Variants in KLHL23 observed in about 807,000 individuals in gnomAD.
KLHL23 encodes kelch-like protein 23.
KLHL23 carries 33 observed loss-of-function variants against 48.9 expected under a neutral mutation model. The ratio of observed to expected loss-of-function variants is 0.67; its 90% CI spans 0.51 to 0.90. KLHL23 has a LOEUF of 0.90. Among genes scored for constraint, KLHL23 ranks in the 40% least tolerant of loss-of-function variants. The pLI is 0.00. For synonymous variants in KLHL23, 234 were observed against 231.6 expected (o/e 1.01, Z -0.09); for missense variants, 608 against 669.6 (o/e 0.91, Z 1.02).
In KLHL23 at chr2:169,749,913, T is replaced by TTA. The variant is rs72113382; in HGVS notation, c.*198_*199dup. ...TGGTGATTCATGGTCAAGAAAAATC[T>TTA]TATATATATATATATATACACACAC... On this transcript the variant is annotated 3_prime_UTR_variant, in exon 4 of 4. Coordinates refer to ENST00000392647, the MANE Select transcript of KLHL23 (RefSeq NM_144711.6). 7,470 of 218,428 alleles carry TTA rather than the reference T, an allele frequency of 0.034. 1,197 individuals are homozygous for TTA. Among genetic ancestry groups the TTA allele is most frequent in the African/African-American group, 0.068 (1,558 of 22,826 alleles). The allele number at this position is 218,428 out of a possible 1,614,324, so 13.5% of individuals were successfully genotyped here.
At chr2:169,734,280 T>G (rs1223594792) in intron 1 of KLHL23, among the ~76,000 whole-genome samples, 193 bp downstream of exon 1, 3 of 146,306 alleles carry the variant, frequency 2.1e-5, no homozygotes, top group African/African-American at 7.4e-5. Context: ...GCCTGCGGCG[T>G]CCTTCCCACA....
At chr2:169,747,556 C>T (rs1330911093) in intron 3 of KLHL23, among the ~76,000 whole-genome samples, 3 of 150,868 alleles carry the variant, frequency 2.0e-5, no homozygotes, top group Non-Finnish European at 4.4e-5. Context: ...CCAGCCTCAG[C>T]CTCCCCAGTA....
At chr2:169,741,316 T>C in intron 2 of KLHL23, 69 bp from the exon 3 acceptor site, 1 of 1,532,560 alleles carries the variant, frequency 6.5e-7, no homozygotes, top group South Asian at 1.3e-5. Flanking sequence ...AACAATAAAT[T>C]TAGCCCAGGG....
At chr2:169,742,904 C>A (rs533474402) in intron 3 of KLHL23, among the ~76,000 whole-genome samples, 2 of 152,316 alleles carry the variant, frequency 1.3e-5, no homozygotes, top group African/African-American at 4.8e-5. Context: ...ACAAACTATT[C>A]CAGTAATTTT....
At chr2:169,734,543 T>G (rs1445272402) in intron 1 of KLHL23, among the ~76,000 whole-genome samples, 1 of 152,218 alleles carries the variant, frequency 6.6e-6, no homozygotes, top group Admixed American at 6.5e-5. Flanking sequence ...ATTTCCCTTT[T>G]CCGAGACCTC....
intron 2 of KLHL23, among the ~76,000 whole-genome samples, chr2:169,737,308 A>G (rs1033654903): frequency 6.6e-6 from 1 of 152,222 alleles, no homozygotes; most frequent in African/African-American, 2.4e-5. Flanking sequence ...ATTGAAGGAC[A>G]TGTCAGCTCT....
At position 169,749,411 on chromosome 2, in the gene KLHL23, C is replaced by A. The variant is rs772981407; in HGVS notation, c.1367-11C>A. ...TAAAAAAATGCTGTTTTCTTTTTTTCTTTTTAAAAGAATATGGATTGTGCT... is the reference window on the plus strand; with the variant it reads ...TAAAAAAATGCTGTTTTCTTTTTTTATTTTTAAAAGAATATGGATTGTGCT... On this transcript the variant is annotated splice_polypyrimidine_tract_variant and intron_variant, in intron 3 of 3. Coordinates refer to ENST00000392647, the MANE Select transcript of KLHL23 (RefSeq NM_144711.6). The A allele has an allele frequency of 1.3e-6, 2 of 1,550,002 alleles. No homozygotes were observed. Among genetic ancestry groups the A allele is most frequent in the Non-Finnish European group, 1.7e-6 (2 of 1,148,902 alleles).
intron 2 of KLHL23, among the ~76,000 whole-genome samples, chr2:169,736,586 C>G (rs182080381): frequency 1.3e-5 from 2 of 152,162 alleles, no homozygotes; most frequent in South Asian, 4.1e-4. Context: ...AAGGTTTGGT[C>G]CCTACAGGAT....
chr2:169,735,059 T>G lies in KLHL23; in HGVS notation c.45T>G (p.Asp15Glu). The G allele has an allele frequency of 6.3e-7, 1 of 1,585,992 alleles. No individual in the cohort carries two copies. The highest frequency in any genetic ancestry group is 8.5e-7 in the Non-Finnish European group (1 of 1,171,192). ...AAGATTATATTTATCTTTTCAAGGA[T>G]TCAACACATCCAGTGGATTTTCTGG... ...GQEDYIYLFK[D>E]STHPVDFLDA... is the part of the protein sequence containing the mutation. Residue 15 changes from aspartate (D) to glutamate (E), a missense_variant, in exon 2 of 4, where the codon GAT becomes GAG. Physicochemically the swap from Asp to Glu is conservative, Grantham distance 45. Transcript: ENST00000392647. The surrounding 1 kb of genome is among the most constrained non-coding windows in gnomAD (Gnocchi z 4.5).
In KLHL23 at chr2:169,749,913, T is replaced by TTATATATATATATATATATATA. The variant is rs72113382; in HGVS notation, c.*199_*200insTATATATATATATATATATATA. ...TGGTGATTCATGGTCAAGAAAAATC[T>TTATATATATATATATATATATA]TATATATATATATATATACACACAC... On this transcript the variant is annotated 3_prime_UTR_variant, in exon 4 of 4. Coordinates refer to ENST00000392647, the MANE Select transcript of KLHL23 (RefSeq NM_144711.6). 4.6e-3 allele frequency: 1,011 copies of TTATATATATATATATATATATA among 218,326 alleles called. 4 individuals are homozygous for TTATATATATATATATATATATA. Among genetic ancestry groups the TTATATATATATATATATATATA allele is most frequent in the African/African-American group, 0.011 (247 of 22,698 alleles). 13.5% of individuals were successfully genotyped at this position (218,326 alleles called of 1,614,324 possible).
Position 169,735,021 on chromosome 2 carries a change from C to G in KLHL23, c.7C>G (p.Leu3Val), listed in dbSNP as rs763188916. Residue 3 changes from leucine to valine, a missense_variant, in exon 2 of 4, where the codon CTA becomes GTA. Physicochemically the swap from Leu to Val is conservative, Grantham distance 32. This residue lies in a region of KLHL23 where 419 missense variants were observed against 473.1 expected (regional missense o/e 0.89). Coordinates refer to ENST00000392647, the MANE Select transcript of KLHL23 (RefSeq NM_144711.6). This position sits in a 1 kb window ranked among gnomAD's most constrained non-coding sequence, Gnocchi z 4.5. The stretch of plus-strand genomic sequence containing the variant: ...TTTCATATTTATTGCAGCCATGGCT[C>G]TAAAAGGACAAGAAGATTATATTTA... MA[L>V]KGQEDYIYLF... The G allele has an allele frequency of 1.3e-6, 2 of 1,538,738 alleles. No individual in the cohort carries two copies. Among genetic ancestry groups the G allele is most frequent in the Non-Finnish European group, 1.7e-6 (2 of 1,148,314 alleles).
intron 2 of KLHL23, among the ~76,000 whole-genome samples, chr2:169,740,791 T>TATATATATATATATATATATATA (rs1291405019): frequency 9.3e-5 from 13 of 140,246 alleles, no homozygotes; most frequent in Admixed American, 2.8e-4. Context: ...TATATATATA[T>TATATATATATATATATATATATA]AACTTATTTA....
intron 3 of KLHL23, among the ~76,000 whole-genome samples, chr2:169,745,634 G>T (rs1359939648): frequency 6.6e-6 from 1 of 151,884 alleles, no homozygotes; most frequent in Admixed American, 6.6e-5. Context: ...CTGAAAGCCT[G>T]AAGAAGTGGT....
At chr2:169,738,623 C>T (rs2105643804) in intron 2 of KLHL23, among the ~76,000 whole-genome samples, 1 of 152,016 alleles carries the variant, frequency 6.6e-6, no homozygotes, top group African/African-American at 2.4e-5. Flanking sequence ...TGTTTAGGAA[C>T]TCCTGAATCT....
chr2:169,737,314 GCT>G (rs1169782899), intron 2 of KLHL23, among the ~76,000 whole-genome samples: 3 of 152,206 alleles, frequency 2.0e-5, no homozygotes, highest in African/African-American at 2.4e-5. Context: ...GGACATGTCA[GCT>G]CTTATAGAGC....
At position 169,749,492 on chromosome 2, in the gene KLHL23, A is replaced by T. The variant is rs1688889066; in HGVS notation, c.1437A>T (p.Glu479Asp). 1 of 1,614,150 alleles carries T rather than the reference A, an allele frequency of 6.2e-7. No individual in the cohort carries two copies. The highest frequency in any genetic ancestry group is 1.3e-5 in the African/African-American group (1 of 75,032). ...TCGGCGGACAAACTACAATCACAGAATGCTATGACCCTGAACAAAATGAAT... is the reference window on the plus strand; with the variant it reads ...TCGGCGGACAAACTACAATCACAGATTGCTATGACCCTGAACAAAATGAAT... ...YLVGGQTTIT[E>D]CYDPEQNEWR... is the part of the protein sequence containing the mutation. Residue 479 changes from glutamate (E) to aspartate (D), a missense_variant, in exon 4 of 4, where the codon GAA becomes GAT. By Grantham distance (45) the Glu-to-Asp change is conservative (BLOSUM62 2). This residue lies in a region of KLHL23 where 179 missense variants were observed against 169.9 expected (regional missense o/e 1.05). Coordinates refer to ENST00000392647, the MANE Select transcript of KLHL23 (RefSeq NM_144711.6).
Position 169,749,502 on chromosome 2 carries a change from C to T in KLHL23, c.1447C>T (p.Pro483Ser). The stretch of plus-strand genomic sequence containing the variant: ...AACTACAATCACAGAATGCTATGAC[C>T]CTGAACAAAATGAATGGAGAGAGAT... The part of the protein sequence containing the change: ...GQTTITECYD[P>S]EQNEWREIAP... The change falls in exon 4 of 4, where the codon CCT becomes TCT. Residue 483 changes from proline to serine, a missense_variant. Coordinates refer to ENST00000392647, the MANE Select transcript of KLHL23 (RefSeq NM_144711.6). 1 of 1,613,870 alleles carries T rather than the reference C, an allele frequency of 6.2e-7. No individual in the cohort carries two copies. The highest frequency in any genetic ancestry group is 8.5e-7 in the Non-Finnish European group (1 of 1,179,982).
At chr2:169,747,965 A>T (rs1016827427) in intron 3 of KLHL23, among the ~76,000 whole-genome samples, 4 of 152,158 alleles carry the variant, frequency 2.6e-5, no homozygotes, top group Admixed American at 2.0e-4. Flanking sequence ...TCTCTACAAA[A>T]ATACAAAAAT....
chr2:169,742,850 C>T (rs1688708078), intron 3 of KLHL23, among the ~76,000 whole-genome samples: 1 of 152,208 alleles, frequency 6.6e-6, no homozygotes, highest in African/African-American at 2.4e-5. Context: ...TAACAACTCA[C>T]AGTGAGAAAT....
Sources: gnomAD v4.1 joint callset for allele counts (sites outside exome capture counted in the v4.1 genomes callset) on GRCh38, gnomAD v4.1.1 for gene constraint, gnomAD v4.1.1 regional missense constraint, Gnocchi (gnomAD v3.1) non-coding constraint, MANE v1.5 for transcripts, NCBI Gene and HGNC (gene_info 2026-07-23, HGNC 2026-07-21) for gene names.